DAZAP2: variants seen among roughly 807,000 people sequenced by gnomAD.
DAZAP2 encodes DAZ-associated protein 2.
Under a neutral mutation model 16.2 loss-of-function variants are expected in DAZAP2, and 3 were observed. The observed-to-expected ratio is 0.19, with a 90% CI of 0.08 to 0.48. The LOEUF is 0.48. Among genes scored for constraint, DAZAP2 ranks in the 20% least tolerant of loss-of-function variants. The pLI, the probability that DAZAP2 is intolerant of heterozygous loss-of-function variation, is 0.98. For synonymous variants in DAZAP2, 69 were observed against 77.6 expected (o/e 0.89, Z 0.58); for missense variants, 172 against 215.9 (o/e 0.80, Z 1.27).
chr12:51,245,684 T>C (rs1223632587), downstream of DAZAP2: 1 of 448,370 alleles, frequency 2.2e-6, no homozygotes, highest in African/African-American at 1.9e-5. Flanking sequence ...TCCCCTGGCA[T>C]AGCCACATCT....
chr12:51,239,270 A>C, intron 1 of DAZAP2: 1 of 280,506 alleles, frequency 3.6e-6, no homozygotes. Flanking sequence ...GCGCTCCGGA[A>C]CCCCCAGCGG....
downstream of DAZAP2, chr12:51,245,135 GTA>G (rs1306564428): frequency 6.6e-6 from 1 of 152,094 alleles, no homozygotes; most frequent in African/African-American, 2.4e-5. Context: ...CCCTCCCAGG[GTA>G]TGTTTCTAAT....
At chr12:51,246,520 C>T (rs967550285), downstream of DAZAP2, 1 of 458,840 alleles carries the variant, frequency 2.2e-6, no homozygotes, top group Admixed American at 3.8e-5. Context: ...AGTGTAACGT[C>T]CGTATGCATA....
chr12:51,241,766 C>G (rs1031868805), intron 3 of DAZAP2, among the ~76,000 whole-genome samples: 1 of 151,874 alleles, frequency 6.6e-6, no homozygotes, highest in Non-Finnish European at 1.5e-5. Flanking sequence ...ACTATAAATA[C>G]AAAAATTAGC....
Position 51,243,347 on chromosome 12 carries a change from G to C in DAZAP2, c.*889G>C. 1.0e-6 allele frequency: 1 copy of C among 985,754 alleles called. No individual in the cohort carries two copies. Among genetic ancestry groups the C allele is most frequent in the Non-Finnish European group, 1.2e-6 (1 of 829,932 alleles). 61.1% of individuals were successfully genotyped at this position (985,754 alleles called of 1,614,324 possible). On this transcript the variant is annotated 3_prime_UTR_variant, in exon 4 of 4. Coordinates refer to ENST00000412716, the MANE Select transcript of DAZAP2 (RefSeq NM_014764.4). The stretch of plus-strand genomic sequence containing the variant: ...TGCATTTCAAAAGCTTGATTGATGT[G>C]TTCAGAGCTAAATTAAGAGGAGTTT...
chr12:51,241,869 T>C (rs934013260), intron 3 of DAZAP2, among the ~76,000 whole-genome samples: 2 of 151,276 alleles, frequency 1.3e-5, no homozygotes, highest in African/African-American at 4.9e-5. Context: ...TGCAGTGAGC[T>C]GAGATCCCAC....
rs1240595595 is a variant in DAZAP2 at position 51,243,304 on chromosome 12, G to T, written c.*846G>T. ...GTGAACAACAGTTGGTTTAAAATAT[G>T]AGGGGCAAGGAGGAGGATGCATTTC... is the stretch of plus-strand genomic sequence containing the variant. On this transcript the variant is annotated 3_prime_UTR_variant, in exon 4 of 4. Transcript: ENST00000412716. 26 of 985,746 alleles carry T rather than the reference G, an allele frequency of 2.6e-5. No individual in the cohort carries two copies. Among genetic ancestry groups the T allele is most frequent in the Non-Finnish European group, 2.9e-5 (24 of 829,962 alleles). 61.1% of individuals were successfully genotyped at this position (985,746 alleles called of 1,614,324 possible).
At chr12:51,238,949 G>A (rs761326328) in intron 1 of DAZAP2, 29 bp downstream of exon 1, 2 of 1,611,384 alleles carry the variant, frequency 1.2e-6, no homozygotes, top group Admixed American at 1.7e-5. Flanking sequence ...AGAGGCCGTC[G>A]GGGGGAGTAC....
chr12:51,242,075 G>C (rs778901621), intron 3 of DAZAP2, among the ~76,000 whole-genome samples: 98 of 152,260 alleles, frequency 6.4e-4, no homozygotes, highest in Non-Finnish European at 1.8e-4. Context: ...GTCTGTTCAT[G>C]TTCAGAAGGT....
downstream of DAZAP2, chr12:51,246,002 G>A (rs577104163): frequency 1.3e-5 from 21 of 1,613,924 alleles, no homozygotes; most frequent in South Asian, 7.7e-5. Context: ...CTGGACGATG[G>A]CACTGGGCTC....
At chr12:51,239,155 T>G (rs1446346397) in intron 1 of DAZAP2, 1 of 546,936 alleles carries the variant, frequency 1.8e-6, no homozygotes, top group Non-Finnish European at 3.1e-6. Flanking sequence ...AGCTGCGGGC[T>G]CGGGTGGTGG....
At chr12:51,244,012 T>C, downstream of DAZAP2, 1 of 765,040 alleles carries the variant, frequency 1.3e-6, no homozygotes, top group Non-Finnish European at 1.6e-6. Context: ...AATTTTGGAA[T>C]TTCGGACCTA....
chr12:51,242,531 G>A lies in DAZAP2; in HGVS notation c.*73G>A. ...CACTTCTCACAATGTAACTGCTTTA[G>A]TCATATTAACCTGAAGTTGCAGTTT... On this transcript the variant is annotated 3_prime_UTR_variant, in exon 4 of 4. Transcript: ENST00000412716. 1.9e-6 allele frequency: 3 copies of A among 1,613,278 alleles called. No homozygotes were observed. Among genetic ancestry groups the A allele is most frequent in the South Asian group, 1.1e-5 (1 of 91,038 alleles).
At position 51,243,726 on chromosome 12, in the gene DAZAP2, T is replaced by G. The variant is rs1944724426; in HGVS notation, c.*1268T>G. ...CACTTAACTTGTGGAATTTTTATAC[T>G]AAAAATGTAGAATAAAGACTATTTT... On this transcript the variant is annotated 3_prime_UTR_variant, in exon 4 of 4. Coordinates refer to ENST00000412716, the MANE Select transcript of DAZAP2 (RefSeq NM_014764.4). 1 of 985,504 alleles carries G rather than the reference T, an allele frequency of 1.0e-6. No individual in the cohort carries two copies. Among genetic ancestry groups the G allele is most frequent in the South Asian group, 4.7e-5 (1 of 21,288 alleles). The allele number at this position is 985,504 out of a possible 1,614,324, so 61.0% of individuals were successfully genotyped here. A position where few individuals can be genotyped will look rare whatever the true frequency, so the allele number is the denominator to read the frequency against.
At chr12:51,244,820 CTTTTTT>C (rs5798164), downstream of DAZAP2, 7 of 92,074 alleles carry the variant, frequency 7.6e-5, no homozygotes, top group South Asian at 2.0e-3. Flanking sequence ...TCCCAGGGTA[CTTTTTT>C]TTTTTTTTTT....
chr12:51,238,938 C>T lies in DAZAP2; in HGVS notation c.13+18C>T, dbSNP rs1944603434. On this transcript the variant is annotated intron_variant, in intron 1 of 3. Coordinates refer to ENST00000412716, the MANE Select transcript of DAZAP2 (RefSeq NM_014764.4). ...CAGCAAAGGCAAGGACCGAGGGTGG[C>T]AGAGGCCGTCGGGGGGAGTACTGCT... The T allele has an allele frequency of 4.3e-6, 7 of 1,612,948 alleles. No homozygotes were observed. The highest frequency in any genetic ancestry group is 5.1e-6 in the Non-Finnish European group (6 of 1,179,798).
At chr12:51,240,500 C>A in intron 2 of DAZAP2, 39 bp downstream of exon 2, 1 of 1,516,228 alleles carries the variant, frequency 6.6e-7, no homozygotes, top group Non-Finnish European at 9.2e-7. Flanking sequence ...GCTGGGAATA[C>A]TCTTAGGGTG....
rs551711588 is a variant in DAZAP2 at position 51,243,652 on chromosome 12, T to C, written c.*1194T>C. The C allele has an allele frequency of 5.1e-6, 5 of 985,868 alleles. No individual in the cohort carries two copies. The highest frequency in any genetic ancestry group is 6.0e-6 in the Non-Finnish European group (5 of 829,910). 61.1% of individuals were successfully genotyped at this position (985,868 alleles called of 1,614,324 possible). A position where few individuals can be genotyped will look rare whatever the true frequency, so the allele number is the denominator to read the frequency against. On this transcript the variant is annotated 3_prime_UTR_variant, in exon 4 of 4. Coordinates refer to ENST00000412716, the MANE Select transcript of DAZAP2 (RefSeq NM_014764.4). The stretch of plus-strand genomic sequence containing the variant: ...TACATGTGATGTTTGACTGTACCAT[T>C]GACTGTTATGGAAGTTCAGCGTTGT...
At chr12:51,239,121 C>G (rs931744064) in intron 1 of DAZAP2, 5 of 722,630 alleles carry the variant, frequency 6.9e-6, no homozygotes, top group African/African-American at 1.9e-5. Flanking sequence ...CCCTTTCCTC[C>G]GTAAACTCTG....
Sources: allele counts gnomAD v4.1 joint callset (sites outside exome capture counted in the v4.1 genomes callset), GRCh38; gene constraint gnomAD v4.1.1; transcripts MANE v1.5; gene names NCBI Gene and HGNC (gene_info 2026-07-23, HGNC 2026-07-21).